The following MED12L variants were observed in gnomAD, a reference collection of about 807,000 sequenced individuals.
MED12L encodes mediator of RNA polymerase II transcription subunit 12-like protein.
A neutral mutation model predicts 281.3 loss-of-function variants in MED12L; 60 were observed. That is an observed-to-expected ratio of 0.21 (90% CI 0.17 to 0.26). The LOEUF is 0.26. MED12L is among the 10% of genes least tolerant of loss of function. The probability of loss-of-function intolerance (pLI) is 1.00; values close to 1 mark genes in which losing one functional copy is unlikely to be tolerated. For synonymous variants in MED12L, 974 were observed against 987.2 expected (o/e 0.99, Z 0.25); for missense variants, 2,146 against 2,680.9 (o/e 0.80, Z 4.41).
Position 151,208,999 on chromosome 3 carries a change from A to G in MED12L, c.2250+15333A>G, listed in dbSNP as rs570602450. On this transcript the variant is annotated intron_variant, in intron 16 of 44. Coordinates refer to ENST00000687756, the MANE Select transcript of MED12L (RefSeq NM_001393769.1). The stretch of plus-strand genomic sequence containing the variant: ...CCTGTGTTGCAGGTCCCCAAAACAC[A>G]TGATACAATATTTAGGAAGTGGAGT... 2.6e-5 allele frequency among the ~76,000 whole-genome samples: 4 copies of G among 152,352 alleles called. No homozygotes were observed. In the East Asian group the frequency reaches 5.8e-4, roughly 22 times the overall value.
chr3:151,250,729 G>A (rs1360196509), intron 16 of MED12L, among the ~76,000 whole-genome samples: 3 of 152,166 alleles, frequency 2.0e-5, no homozygotes, highest in Non-Finnish European at 4.4e-5. Flanking sequence ...CTATGAAAGT[G>A]GGTATACAAA....
At chr3:151,087,170 C>T in intron 2 of MED12L, 145 bp downstream of exon 2, 1 of 642,476 alleles carries the variant, frequency 1.6e-6, no homozygotes. Context: ...GCTGGGGGTG[C>T]TGGGCGACCC....
At chr3:151,121,105 C>G (rs1342464897) in intron 3 of MED12L, among the ~76,000 whole-genome samples, 1 of 152,170 alleles carries the variant, frequency 6.6e-6, no homozygotes. Flanking sequence ...GTATAGCAAT[C>G]TGCAGCTGTA....
At chr3:151,275,417 T>C (rs1741689156) in intron 16 of MED12L, among the ~76,000 whole-genome samples, 2 of 152,112 alleles carry the variant, frequency 1.3e-5, no homozygotes, top group Admixed American at 6.6e-5. Flanking sequence ...CCTTTGATGC[T>C]TTTCAAAAAC....
chr3:151,344,015 T>G (rs1471660558), intron 16 of MED12L, among the ~76,000 whole-genome samples: 1 of 152,150 alleles, frequency 6.6e-6, no homozygotes, highest in Non-Finnish European at 1.5e-5. Flanking sequence ...CTTGGCTTTA[T>G]CCATTGGAAT....
At chr3:151,162,159 G>C (rs1007835238) in intron 8 of MED12L, among the ~76,000 whole-genome samples, 4 of 152,120 alleles carry the variant, frequency 2.6e-5, no homozygotes, top group Non-Finnish European at 4.4e-5. Context: ...ATAGGAGAAG[G>C]AGCAGTGTTT....
chr3:151,238,483 A>C (rs1357006032), intron 16 of MED12L, among the ~76,000 whole-genome samples: 1 of 152,232 alleles, frequency 6.6e-6, no homozygotes, highest in East Asian at 1.9e-4. Context: ...CTGCAGAACC[A>C]CAGGGGTTCC....
At chr3:151,423,123 G>GA (rs1333755779) in intron 43 of MED12L, among the ~76,000 whole-genome samples, 1 of 151,198 alleles carries the variant, frequency 6.6e-6, no homozygotes, top group African/African-American at 2.4e-5. Flanking sequence ...TGGTTCAAGC[G>GA]ATTCTCCTGC....
At chr3:151,424,766 G>T (rs1295285520) in intron 43 of MED12L, among the ~76,000 whole-genome samples, 1 of 152,158 alleles carries the variant, frequency 6.6e-6, no homozygotes, top group Non-Finnish European at 1.5e-5. Flanking sequence ...TGTGAGAGTG[G>T]AGATGTGGCT....
At chr3:151,342,337 G>A (rs1329078819) in intron 16 of MED12L, among the ~76,000 whole-genome samples, 1 of 152,182 alleles carries the variant, frequency 6.6e-6, no homozygotes, top group Non-Finnish European at 1.5e-5. Flanking sequence ...AATCATTTGT[G>A]TTGGTGCCTT....
Position 151,344,913 on chromosome 3 carries a change from T to G in MED12L, c.2251-5146T>G, listed in dbSNP as rs1873623. Among the ~76,000 whole-genome samples, 1,038 of 152,324 alleles carry G rather than the reference T, an allele frequency of 6.8e-3. 10 individuals carry two copies. The highest frequency in any genetic ancestry group is 0.024 in the South Asian group (115 of 4,830). On this transcript the variant is annotated intron_variant, in intron 16 of 44. Coordinates refer to ENST00000687756, the MANE Select transcript of MED12L (RefSeq NM_001393769.1). ...TCATTATGACATCTTTGTCAACACA[T>G]ACACATTTTGGCAAAATTTCTAATC... is the stretch of plus-strand genomic sequence containing the variant.
chr3:151,251,572 A>G (rs1173920435), intron 16 of MED12L, among the ~76,000 whole-genome samples: 4 of 152,148 alleles, frequency 2.6e-5, no homozygotes, highest in Non-Finnish European at 4.4e-5. Context: ...TACTTAAAAG[A>G]TAAGTTCATG....
At chr3:151,219,262 T>G (rs751401182) in intron 16 of MED12L, among the ~76,000 whole-genome samples, 4 of 152,214 alleles carry the variant, frequency 2.6e-5, no homozygotes, top group Non-Finnish European at 5.9e-5. Flanking sequence ...GGGTTCTCTC[T>G]TTGGACAGAA....
chr3:151,163,991 G>A lies in MED12L; in HGVS notation c.1206G>A (p.Val402=). The A allele has an allele frequency of 6.2e-7, 1 of 1,613,738 alleles. No homozygotes were observed. The highest frequency in any genetic ancestry group is 8.5e-7 in the Non-Finnish European group (1 of 1,179,804). ...GCTCACCCCTGGATCTGCTGCAGGT[G>A]GCCCCGTCCAGCCTCCCCATGCCGG... The part of the protein sequence containing the change: ...NPGSPLDLLQ[V]APSSLPMPGG... Residue 402 remains valine, a synonymous_variant, in exon 9 of 45, where the codon GTG becomes GTA. Coordinates refer to ENST00000687756, the MANE Select transcript of MED12L (RefSeq NM_001393769.1).
chr3:151,434,630 A>ATATC lies in MED12L; in HGVS notation c.*1830_*1833dup, dbSNP rs1228994964. 4 of 152,234 alleles carry ATATC rather than the reference A, an allele frequency of 2.6e-5. No homozygotes were observed. Among genetic ancestry groups the ATATC allele is most frequent in the East Asian group, 3.8e-4 (2 of 5,204 alleles). The allele number at this position is 152,234 out of a possible 1,614,324, so 9.4% of individuals were successfully genotyped here. On this transcript the variant is annotated 3_prime_UTR_variant, in exon 45 of 45. Coordinates refer to ENST00000687756, the MANE Select transcript of MED12L (RefSeq NM_001393769.1). ...ATGAAGTTGTTTTCTTCAAAGTAAT[A>ATATC]TATCTATATAATGACTGCATTGGCA...
At chr3:151,269,866 C>CGAAG in intron 16 of MED12L, 1 of 458,396 alleles carries the variant, frequency 2.2e-6, no homozygotes, top group Non-Finnish European at 4.3e-6. Context: ...AGAGGCAGCA[C>CGAAG]GAAGAACCAG....
Position 151,122,822 on chromosome 3 carries a change from A to G in MED12L, c.244A>G (p.Lys82Glu). ...TAGCAGCATATTAGCTGAGAAACTG[A>G]AGCTTAACACTTTCCAGGACACGGG... The part of the protein sequence containing the change: ...YFSSILAEKL[K>E]LNTFQDTGKK... The change falls in exon 4 of 45, where the codon AAG becomes GAG. Residue 82 changes from lysine to glutamate, a missense_variant. By Grantham distance (56) the Lys-to-Glu change is moderately conservative. Coordinates refer to ENST00000687756, the MANE Select transcript of MED12L (RefSeq NM_001393769.1). 6.2e-7 allele frequency: 1 copy of G among 1,608,766 alleles called. No individual in the cohort carries two copies. The highest frequency in any genetic ancestry group is 8.5e-7 in the Non-Finnish European group (1 of 1,177,976).
intron 17 of MED12L, among the ~76,000 whole-genome samples, chr3:151,352,558 A>G (rs1275013509): frequency 1.3e-5 from 2 of 152,226 alleles, no homozygotes; most frequent in Non-Finnish European, 2.9e-5. Flanking sequence ...TTTCAGCAAC[A>G]TGAGTACTGG....
chr3:151,262,653 AAGC>A (rs1283112145), intron 16 of MED12L, among the ~76,000 whole-genome samples: 6 of 152,228 alleles, frequency 3.9e-5, no homozygotes, highest in African/African-American at 1.2e-4. Context: ...GAAAAGTAGA[AAGC>A]AGAAAATTAA....
Sources: allele counts gnomAD v4.1 joint callset (sites outside exome capture counted in the v4.1 genomes callset), GRCh38; gene constraint gnomAD v4.1.1; transcripts MANE v1.5; gene names NCBI Gene and HGNC (gene_info 2026-07-23, HGNC 2026-07-21).